The following TRIT1 variants were observed in gnomAD, a reference collection of about 807,000 sequenced individuals.
The protein encoded by TRIT1 is tRNA dimethylallyltransferase.
A neutral mutation model predicts 51.2 loss-of-function variants in TRIT1; 43 were observed. The ratio of observed to expected loss-of-function variants is 0.84; its 90% CI spans 0.66 to 1.08. The LOEUF is 1.08. Among genes scored for constraint, TRIT1 ranks in the 50% least tolerant of loss-of-function variants. The pLI is 0.00. For missense variants in TRIT1, 528 were observed against 578.4 expected (o/e 0.91, Z 0.89); for synonymous variants, 184 against 203.9 (o/e 0.90, Z 0.83).
At chr1:39,875,420 G>A (rs1460834988) in intron 1 of TRIT1, among the ~76,000 whole-genome samples, 3 of 151,932 alleles carry the variant, frequency 2.0e-5, no homozygotes, top group Non-Finnish European at 4.4e-5. Context: ...CCCGGGAGGT[G>A]GAGGTTGCAG....
At chr1:39,847,875 T>C (rs895806400) in intron 6 of TRIT1, 111 bp downstream of exon 6, 1 of 1,346,056 alleles carries the variant, frequency 7.4e-7, no homozygotes. Flanking sequence ...AAAAACTGCA[T>C]CTGCAAAGAA....
chr1:39,849,694 C>G (rs2124595993), intron 5 of TRIT1, among the ~76,000 whole-genome samples: 1 of 152,342 alleles, frequency 6.6e-6, no homozygotes, highest in South Asian at 2.1e-4. Flanking sequence ...GAATAAGTTA[C>G]TACTATCACG....
At position 39,850,109 on chromosome 1, in the gene TRIT1, G is replaced by C; in HGVS notation, c.703+10C>G. 6.2e-7 allele frequency: 1 copy of C among 1,613,954 alleles called. No individual in the cohort carries two copies. Among genetic ancestry groups the C allele is most frequent in the South Asian group, 1.1e-5 (1 of 91,038 alleles). Reference sequence around the variant, plus strand: ...CACAGATGGACTCTAGGGCATCAAAGGGCTGTTACCTGCCTGGTCAGCATG... The same window carrying C: ...CACAGATGGACTCTAGGGCATCAAACGGCTGTTACCTGCCTGGTCAGCATG... On this transcript the variant is annotated intron_variant, in intron 5 of 10. Coordinates refer to ENST00000316891, the MANE Select transcript of TRIT1 (RefSeq NM_017646.6).
At chr1:39,862,646 TAATC>T (rs763129164) in intron 1 of TRIT1, 10 of 421,536 alleles carry the variant, frequency 2.4e-5, no homozygotes, top group Non-Finnish European at 2.2e-5. Flanking sequence ...ACTTAGAAAT[TAATC>T]AATTTTGTAA....
chr1:39,871,359 AT>A (rs372200103), intron 1 of TRIT1, among the ~76,000 whole-genome samples: 40 of 152,234 alleles, frequency 2.6e-4, no homozygotes, highest in Middle Eastern at 3.4e-3. Flanking sequence ...AGGCAGGTGG[AT>A]TGCTTGAGCT....
intron 4 of TRIT1, among the ~76,000 whole-genome samples, chr1:39,851,497 A>G (rs1284767060): frequency 2.0e-5 from 3 of 152,228 alleles, no homozygotes; most frequent in African/African-American, 7.2e-5. Flanking sequence ...AAAGTGTTTA[A>G]AATGTTTGGA....
rs138727735 is a variant in TRIT1 at position 39,859,892 on chromosome 1, C to G, written c.175-2475G>C. Among the ~76,000 whole-genome samples, 494 of 152,316 alleles carry G rather than the reference C, an allele frequency of 3.2e-3. 7 individuals are homozygous for G. Among genetic ancestry groups the G allele is most frequent in the African/African-American group, 0.011 (452 of 41,574 alleles). On this transcript the variant is annotated intron_variant, in intron 1 of 10. Transcript: ENST00000316891. ...CAATTACCCACACCTCCAACAAGGA[C>G]AAAATGTAAATATCTCTACCAGCAC... is the stretch of plus-strand genomic sequence containing the variant.
chr1:39,844,622 G>T lies in TRIT1; in HGVS notation c.1025C>A (p.Pro342His), dbSNP rs1642121472. The change falls in exon 9 of 11, where the codon CCC (proline) becomes CAC (histidine). Residue 342 changes from proline (P) to histidine (H), a missense_variant. Transcript: ENST00000316891. The stretch of plus-strand genomic sequence containing the variant: ...AGATACCTCTAAGCCATAGACAGGG[G>T]GGACAATGGGACCAGGTCCTAATGA... ...RFLSRPGPIV[P>H]PVYGLEVSDV... 2 of 1,613,172 alleles carry T rather than the reference G, an allele frequency of 1.2e-6. No homozygotes were observed. Among genetic ancestry groups the T allele is most frequent in the Non-Finnish European group, 1.7e-6 (2 of 1,179,358 alleles).
chr1:39,845,400 C>T (rs984628921), intron 8 of TRIT1, among the ~76,000 whole-genome samples: 3 of 152,220 alleles, frequency 2.0e-5, no homozygotes, highest in African/African-American at 7.2e-5. Flanking sequence ...AACTGCCTTC[C>T]ACAACTAGGT....
chr1:39,863,441 C>A (rs1643359690), intron 1 of TRIT1, among the ~76,000 whole-genome samples: 1 of 152,194 alleles, frequency 6.6e-6, no homozygotes, highest in East Asian at 1.9e-4. Flanking sequence ...GCCTGGGCAA[C>A]AGAGCAAGAC....
intron 1 of TRIT1, among the ~76,000 whole-genome samples, chr1:39,861,383 G>C (rs1643235688): frequency 6.6e-6 from 1 of 151,890 alleles, no homozygotes; most frequent in Non-Finnish European, 1.5e-5. Flanking sequence ...AACAAAAACT[G>C]GAAGAAAAAC....
chr1:39,838,236 T>G lies in TRIT1; in HGVS notation c.*3508A>C, dbSNP rs938083566. 6.6e-6 allele frequency among the ~76,000 whole-genome samples: 1 copy of G among 152,216 alleles called. No homozygotes were observed. The highest frequency in any genetic ancestry group is 2.4e-5 in the African/African-American group (1 of 41,466). On this transcript the variant is annotated 3_prime_UTR_variant, in exon 11 of 11. Transcript: ENST00000316891. ...AAACAGCCTTAACTGCCCAAGTAGG[T>G]GATAATCAAATACAGAAATTCCTGC...
At chr1:39,850,973 G>A (rs1427588892) in intron 4 of TRIT1, among the ~76,000 whole-genome samples, 4 of 152,128 alleles carry the variant, frequency 2.6e-5, no homozygotes, top group South Asian at 2.1e-4. Flanking sequence ...ACTTCTGTCC[G>A]TATCTATTAT....
Position 39,840,933 on chromosome 1 carries a change from C to T in TRIT1, c.*811G>A, listed in dbSNP as rs1214076543. 2 of 152,156 alleles carry T rather than the reference C, an allele frequency of 1.3e-5. No individual in the cohort carries two copies. Among genetic ancestry groups the T allele is most frequent in the Non-Finnish European group, 2.9e-5 (2 of 68,026 alleles). The allele number at this position is 152,156 out of a possible 1,614,324, so 9.4% of individuals were successfully genotyped here. A position where few individuals can be genotyped will look rare whatever the true frequency, so the allele number is the denominator to read the frequency against. On this transcript the variant is annotated 3_prime_UTR_variant, in exon 11 of 11. Coordinates refer to ENST00000316891, the MANE Select transcript of TRIT1 (RefSeq NM_017646.6). The stretch of plus-strand genomic sequence containing the variant: ...AATAAACACCCGCTACATAAATGAA[C>T]AGACAGCATGATCTACAAAAAGTGT...
chr1:39,842,964 TAAGCTCACAAAGGCTC>T (rs1222491369), intron 10 of TRIT1, among the ~76,000 whole-genome samples: 4 of 152,186 alleles, frequency 2.6e-5, no homozygotes, highest in African/African-American at 9.6e-5. Flanking sequence ...TTACACAAGC[TAAGCTCACAAAGGCTC>T]ACACATGTTG....
At chr1:39,868,904 A>G (rs572246831) in intron 1 of TRIT1, among the ~76,000 whole-genome samples, 1 of 151,638 alleles carries the variant, frequency 6.6e-6, no homozygotes, top group Admixed American at 6.6e-5. Context: ...CACTAAAAAT[A>G]TAAAAATTAG....
At chr1:39,876,287 C>T (rs1016774345) in intron 1 of TRIT1, among the ~76,000 whole-genome samples, 1 of 152,208 alleles carries the variant, frequency 6.6e-6, no homozygotes, top group Non-Finnish European at 1.5e-5. Flanking sequence ...CAGGGTAGCA[C>T]TCATCCTCAT....
At chr1:39,856,237 C>T (rs1454285061) in intron 2 of TRIT1, among the ~76,000 whole-genome samples, 6 of 152,094 alleles carry the variant, frequency 3.9e-5, no homozygotes, top group East Asian at 3.9e-4. Flanking sequence ...ACCTGGGAGG[C>T]GGAGATTGCA....
intron 1 of TRIT1, among the ~76,000 whole-genome samples, chr1:39,870,513 T>TAAAAAAAAAAA (rs60334518): frequency 9.7e-4 from 76 of 78,738 alleles, no homozygotes; most frequent in Non-Finnish European, 1.1e-3. Flanking sequence ...CAATAAATAC[T>TAAAAAAAAAAA]AAAAAAAAAA....
Sources: allele counts gnomAD v4.1 joint callset (sites outside exome capture counted in the v4.1 genomes callset), GRCh38; gene constraint gnomAD v4.1.1; transcripts MANE v1.5; gene names NCBI Gene and HGNC (gene_info 2026-07-23, HGNC 2026-07-21).